Variants in MGST1 observed in about 807,000 individuals in gnomAD.
The protein encoded by MGST1 is microsomal glutathione S-transferase 1, also known as glutathione S-transferase 12.
MGST1 carries 5 observed loss-of-function variants against 8.9 expected under a neutral mutation model. That is an observed-to-expected ratio of 0.56 (90% confidence interval 0.29 to 1.19). MGST1 has a LOEUF of 1.19. Ranked by LOEUF, MGST1 falls within the 50% of genes most tolerant of loss-of-function variation. The pLI is 0.08. For synonymous variants in MGST1, 54 were observed against 67.8 expected, an observed-to-expected ratio of 0.80 and a Z score of 1.00; for missense variants, 182 against 187.4, an observed-to-expected ratio of 0.97 and a Z score of 0.17.
At chr12:16,522,800 G>A (rs1024238046) in intron 4 of MGST1, among the ~76,000 whole-genome samples, 1 of 152,000 alleles carries the variant, frequency 6.6e-6, no homozygotes, top group Non-Finnish European at 1.5e-5. Flanking sequence ...GTGTGCTGAT[G>A]GCTAGAAGAA....
intron 4 of MGST1, among the ~76,000 whole-genome samples, chr12:16,533,884 C>T (rs532483663): frequency 2.0e-5 from 3 of 152,046 alleles, no homozygotes; most frequent in East Asian, 1.9e-4. Flanking sequence ...TTAATGTTTG[C>T]CGGGAAGAGA....
intron 1 of MGST1, among the ~76,000 whole-genome samples, chr12:16,424,570 C>T (rs1940869144): frequency 1.3e-5 from 2 of 152,190 alleles, no homozygotes; most frequent in Admixed American, 1.3e-4. Flanking sequence ...CTTCTCCCTA[C>T]TCACTTTCTG....
intron 4 of MGST1, among the ~76,000 whole-genome samples, chr12:16,492,465 G>A (rs543058830): frequency 2.0e-5 from 3 of 152,196 alleles, no homozygotes; most frequent in African/African-American, 7.2e-5. Context: ...GCAGTGTAGC[G>A]CCATCTGTAC....
chr12:16,543,415 T>G (rs1941803652), intron 4 of MGST1, among the ~76,000 whole-genome samples: 1 of 152,110 alleles, frequency 6.6e-6, no homozygotes, highest in Admixed American at 6.6e-5. Context: ...AGAAATTGCC[T>G]TGTTTGCTTG....
In MGST1 at chr12:16,513,902, T is replaced by C. The variant is rs1941593944; in HGVS notation, n.483-75626T>C. Reference sequence around the variant, plus strand: ...ACACCCATCTTCAGGGATACTGGCATGCAGCTACAAGGTTATCGATACTAT... The same window carrying C: ...ACACCCATCTTCAGGGATACTGGCACGCAGCTACAAGGTTATCGATACTAT... On this transcript the variant is annotated intron_variant and non_coding_transcript_variant, in intron 4 of 4. Coordinates refer to the MGST1 transcript ENST00000538857. The surrounding 1 kb of genome is among the most constrained non-coding windows in gnomAD (Gnocchi z 4.2). The C allele has an allele frequency of 1.7e-6, 1 of 599,390 alleles. No individual in the cohort carries two copies. The highest frequency in any genetic ancestry group is 3.2e-6 in the Non-Finnish European group (1 of 309,762). 37.1% of individuals were successfully genotyped at this position (599,390 alleles called of 1,614,324 possible). A position where few individuals can be genotyped will look rare whatever the true frequency, so the allele number is the denominator to read the frequency against.
intron 4 of MGST1, among the ~76,000 whole-genome samples, chr12:16,468,854 C>T (rs1941272376): frequency 6.6e-6 from 1 of 152,214 alleles, no homozygotes; most frequent in African/African-American, 2.4e-5. Flanking sequence ...CTCAGCATCA[C>T]TAGCAGCTAG....
intron 4 of MGST1, among the ~76,000 whole-genome samples, chr12:16,488,546 C>A (rs1213936395): frequency 1.3e-5 from 2 of 152,064 alleles, no homozygotes; most frequent in African/African-American, 2.4e-5. Context: ...TTTGAGAAGT[C>A]TTTCTTGTTT....
chr12:16,459,744 T>C (rs1591735506), intron 4 of MGST1, among the ~76,000 whole-genome samples: 1 of 152,074 alleles, frequency 6.6e-6, no homozygotes, highest in African/African-American at 2.4e-5. Flanking sequence ...AGAGTAACTC[T>C]GGAACTCAGC....
At chr12:16,445,023 T>C (rs866257762) in intron 4 of MGST1, among the ~76,000 whole-genome samples, 44 of 151,950 alleles carry the variant, frequency 2.9e-4, no homozygotes, top group African/African-American at 9.6e-4. Context: ...TGTATTTTTT[T>C]AACACTGCTG....
At chr12:16,437,572 GCTT>G (rs1360582642) in exon 2 of MGST1, 1 of 152,130 alleles carries the variant, frequency 6.6e-6, no homozygotes, top group Admixed American at 6.6e-5. Context: ...GAGGAAAACA[GCTT>G]CCTCTTCCTC....
intron 4 of MGST1, among the ~76,000 whole-genome samples, chr12:16,461,957 C>T (rs117752131): frequency 2.1e-4 from 32 of 152,158 alleles, no homozygotes; most frequent in Admixed American, 1.2e-3. Flanking sequence ...CACTGAATTC[C>T]GGATATACCT....
chr12:16,580,038 A>T (rs768852080), intron 4 of MGST1, among the ~76,000 whole-genome samples: 3 of 152,228 alleles, frequency 2.0e-5, no homozygotes, highest in Non-Finnish European at 4.4e-5. Context: ...TTTAAGTGTC[A>T]CAAATAGTGA....
At chr12:16,492,359 C>T (rs1250611372) in intron 4 of MGST1, among the ~76,000 whole-genome samples, 1 of 152,090 alleles carries the variant, frequency 6.6e-6, no homozygotes. Context: ...CTAACAGGCT[C>T]TCAGAAAGAT....
Position 16,537,564 on chromosome 12 carries a change from A to G in MGST1, n.483-51964A>G, listed in dbSNP as rs1447520972. On this transcript the variant is annotated intron_variant and non_coding_transcript_variant, in intron 4 of 4. Transcript: ENST00000538857. The surrounding 1 kb of genome is among the most constrained non-coding windows in gnomAD (Gnocchi z 4.6). Reference sequence around the variant, plus strand: ...TCCATGAGGGCCCTGCCTCTGCAGCACACTTTTGCCTGGACATTCAGGCAT... The same window carrying G: ...TCCATGAGGGCCCTGCCTCTGCAGCGCACTTTTGCCTGGACATTCAGGCAT... Among the ~76,000 whole-genome samples, 1 of 152,214 alleles carries G rather than the reference A, an allele frequency of 6.6e-6. No homozygotes were observed. The highest frequency in any genetic ancestry group is 1.5e-5 in the Non-Finnish European group (1 of 68,038).
intron 4 of MGST1, among the ~76,000 whole-genome samples, chr12:16,539,053 C>T (rs1382977476): frequency 6.6e-6 from 1 of 152,184 alleles, no homozygotes; most frequent in East Asian, 1.9e-4. Flanking sequence ...TTCAAATTAT[C>T]TCCCACCAGC....
chr12:16,445,809 G>T (rs1178185856), intron 4 of MGST1, among the ~76,000 whole-genome samples: 1 of 151,840 alleles, frequency 6.6e-6, no homozygotes, highest in Non-Finnish European at 1.5e-5. Context: ...ACTACTTATG[G>T]CAGGATACAC....
intron 4 of MGST1, among the ~76,000 whole-genome samples, chr12:16,557,665 T>G (rs1375998963): frequency 6.6e-6 from 1 of 152,074 alleles, no homozygotes; most frequent in Non-Finnish European, 1.5e-5. Flanking sequence ...GGACTATTAT[T>G]TGGTAAATTA....
intron 1 of MGST1, among the ~76,000 whole-genome samples, chr12:16,350,336 A>C (rs1277142129): frequency 6.6e-6 from 1 of 152,220 alleles, no homozygotes; most frequent in Non-Finnish European, 1.5e-5. Flanking sequence ...ATGAATGGAG[A>C]ATATAATGAG....
At chr12:16,444,248 G>T (rs1941062452) in intron 4 of MGST1, among the ~76,000 whole-genome samples, 1 of 128,788 alleles carries the variant, frequency 7.8e-6, no homozygotes, top group African/African-American at 3.0e-5. Flanking sequence ...GGAGGCTTCT[G>T]TGGGTATTAA....
Sources: gnomAD v4.1 joint callset for allele counts (sites outside exome capture counted in the v4.1 genomes callset) on GRCh38, gnomAD v4.1.1 for gene constraint, Gnocchi (gnomAD v3.1) non-coding constraint, MANE v1.5 for transcripts, NCBI Gene and HGNC (gene_info 2026-07-23, HGNC 2026-07-21) for gene names.